BAZ1A: variants seen among roughly 807,000 people sequenced by gnomAD.
The protein encoded by BAZ1A is bromodomain adjacent to zinc finger domain protein 1A.
In BAZ1A, 50 loss-of-function variants were observed where a neutral mutation model predicts 185.2. The observed-to-expected ratio is 0.27, with a 90% CI of 0.22 to 0.34. The LOEUF (loss-of-function observed/expected upper bound fraction) is 0.34, where lower values mean the gene tolerates loss of function less well. Ranked by LOEUF, BAZ1A falls within the 10% of genes least tolerant of loss-of-function variation. The pLI is 1.00. For synonymous variants in BAZ1A, 571 were observed against 615.6 expected, an observed-to-expected ratio of 0.93 and a Z score of 1.07; for missense variants, 1,356 against 1,839.9, an observed-to-expected ratio of 0.74 and a Z score of 4.81.
intron 3 of BAZ1A, among the ~76,000 whole-genome samples, chr14:34,847,038 G>A (rs2042524561): frequency 6.6e-6 from 1 of 152,068 alleles, no homozygotes; most frequent in South Asian, 2.1e-4. Flanking sequence ...ATCACCTGAG[G>A]TCAGGAGTTC....
At chr14:34,795,278 C>T (rs1881124133) in intron 10 of BAZ1A, among the ~76,000 whole-genome samples, 1 of 152,196 alleles carries the variant, frequency 6.6e-6, no homozygotes, top group Non-Finnish European at 1.5e-5. Context: ...AATTAATCTA[C>T]CATCTACTAA....
chr14:34,824,730 TATC>T (rs1234286741), intron 4 of BAZ1A, among the ~76,000 whole-genome samples: 2 of 152,152 alleles, frequency 1.3e-5, no homozygotes, highest in Non-Finnish European at 2.9e-5. Flanking sequence ...AGACAGAACT[TATC>T]AACACTGGTA....
intron 4 of BAZ1A, among the ~76,000 whole-genome samples, chr14:34,821,393 A>G (rs1173739421): frequency 6.6e-6 from 1 of 152,232 alleles, no homozygotes; most frequent in Non-Finnish European, 1.5e-5. Flanking sequence ...ATAAATGAAT[A>G]AATACTTGTT....
At chr14:34,784,547 T>A (rs1380551606) in intron 14 of BAZ1A, among the ~76,000 whole-genome samples, 1 of 152,090 alleles carries the variant, frequency 6.6e-6, no homozygotes, top group East Asian at 2.0e-4. Context: ...AGACGGAGTC[T>A]CGCTCTGACG....
chr14:34,795,502 A>T (rs1312824243), intron 10 of BAZ1A, among the ~76,000 whole-genome samples, 168 bp downstream of exon 10: 2 of 152,198 alleles, frequency 1.3e-5, no homozygotes, highest in African/African-American at 4.8e-5. Flanking sequence ...TAAAACACTA[A>T]CAATGCTACC....
In BAZ1A at chr14:34,758,824, A is replaced by G. The variant is rs777295582; in HGVS notation, c.4266T>C (p.Gly1422=). The G allele has an allele frequency of 6.2e-7, 1 of 1,614,094 alleles. No individual in the cohort carries two copies. Among genetic ancestry groups the G allele is most frequent in the South Asian group, 1.1e-5 (1 of 91,046 alleles). The change falls in exon 25 of 27, where the codon GGT becomes GGC. Residue 1422 remains glycine, a synonymous_variant. Coordinates refer to ENST00000360310, the MANE Select transcript of BAZ1A (RefSeq NM_013448.3). ...CTCCCTGTCGGCCAGAACTCCTTCG[A>G]CCCAGTGTCACAGGCGATGGCTCTG... ...QSPEPSPVTL[G]RRSSGRQGGV... is the part of the protein sequence containing the mutation.
intron 20 of BAZ1A, among the ~76,000 whole-genome samples, chr14:34,772,233 T>C (rs1879274689): frequency 6.6e-6 from 1 of 152,032 alleles, no homozygotes; most frequent in Admixed American, 6.6e-5. Flanking sequence ...GGATTACAGG[T>C]GTCAGCCACT....
At chr14:34,793,797 G>A (rs745623528) in intron 11 of BAZ1A, among the ~76,000 whole-genome samples, 3 of 152,158 alleles carry the variant, frequency 2.0e-5, no homozygotes, top group Non-Finnish European at 4.4e-5. Flanking sequence ...ACAAAAATTA[G>A]CTGGGCTTGG....
intron 21 of BAZ1A, among the ~76,000 whole-genome samples, chr14:34,769,607 G>T (rs903235923): frequency 2.6e-5 from 4 of 152,012 alleles, no homozygotes; most frequent in Non-Finnish European, 5.9e-5. Flanking sequence ...CAATTAATTT[G>T]ATTTTCCCCC....
In BAZ1A at chr14:34,847,475, A is replaced by G. The variant is rs143800406; in HGVS notation, c.392+14569T>C. 1.8e-4 allele frequency among the ~76,000 whole-genome samples: 28 copies of G among 152,262 alleles called. No individual in the cohort carries two copies. The East Asian group carries it at 3.1e-3, about 17-fold the overall frequency. ...TAATGTGTTGCTAAAAATCTATACTATCTTTGAGCCGAAATAAGAAGTCCC... is the reference window on the plus strand; with the variant it reads ...TAATGTGTTGCTAAAAATCTATACTGTCTTTGAGCCGAAATAAGAAGTCCC... On this transcript the variant is annotated intron_variant, in intron 3 of 26. Transcript: ENST00000360310.
intron 3 of BAZ1A, among the ~76,000 whole-genome samples, chr14:34,833,663 G>A (rs937093824): frequency 6.6e-6 from 1 of 152,050 alleles, no homozygotes; most frequent in Non-Finnish European, 1.5e-5. Flanking sequence ...AAAGAACATA[G>A]AATAAAGGTT....
chr14:34,753,771 T>C (rs1434676054), intron 26 of BAZ1A, 67 bp from the exon 27 acceptor site: 2 of 1,268,660 alleles, frequency 1.6e-6, no homozygotes, highest in Non-Finnish European at 2.1e-6. Context: ...ATAATTCTTG[T>C]ATCATATCTG....
intron 12 of BAZ1A, among the ~76,000 whole-genome samples, chr14:34,790,341 GATTTATTTATTTGTTT>G (rs1880763293): frequency 6.6e-6 from 1 of 151,586 alleles, no homozygotes; most frequent in Non-Finnish European, 1.5e-5. Context: ...GGCTAATTTT[GATTTATTTATTTGTTT>G]ATTTATTTAT....
chr14:34,760,450 G>A (rs1886473314), intron 24 of BAZ1A, among the ~76,000 whole-genome samples: 1 of 149,414 alleles, frequency 6.7e-6, no homozygotes, highest in Non-Finnish European at 1.5e-5. Context: ...TCCGAATAAT[G>A]CAATATAATG....
At chr14:34,757,365 C>CAA (rs760606242) in intron 25 of BAZ1A, among the ~76,000 whole-genome samples, 3 of 108,820 alleles carry the variant, frequency 2.8e-5, no homozygotes, top group Admixed American at 9.7e-5. Context: ...GACTCCATCT[C>CAA]AAAAAAAAAA....
rs569370634 is a variant in BAZ1A at position 34,758,602 on chromosome 14, A to G, written c.4386+102T>C. On this transcript the variant is annotated intron_variant, in intron 25 of 26. Transcript: ENST00000360310. Reference sequence around the variant, plus strand: ...CAGGAAAAAACAACAACAACAAAAAAAACTAGACAGTGAGTAACAGGTGTT... The same window carrying G: ...CAGGAAAAAACAACAACAACAAAAAGAACTAGACAGTGAGTAACAGGTGTT... The G allele has an allele frequency of 1.4e-5, 17 of 1,230,096 alleles. No homozygotes were observed. In the African/African-American group the frequency reaches 2.3e-4, roughly 17 times the overall value. The allele number at this position is 1,230,096 out of a possible 1,614,324, so 76.2% of individuals were successfully genotyped here.
intron 4 of BAZ1A, among the ~76,000 whole-genome samples, chr14:34,824,689 C>T (rs1355404956): frequency 6.6e-6 from 1 of 152,024 alleles, no homozygotes; most frequent in African/African-American, 2.4e-5. Context: ...AATGTCAGGC[C>T]AAATGAGAAC....
intron 2 of BAZ1A, among the ~76,000 whole-genome samples, chr14:34,871,540 T>A (rs2042948356): frequency 6.6e-6 from 1 of 152,218 alleles, no homozygotes; most frequent in Non-Finnish European, 1.5e-5. Flanking sequence ...TCCTGGCCAG[T>A]CACTGTCTCA....
chr14:34,795,259 T>G (rs771537341), intron 10 of BAZ1A, among the ~76,000 whole-genome samples: 4 of 152,224 alleles, frequency 2.6e-5, no homozygotes, highest in Non-Finnish European at 5.9e-5. Flanking sequence ...TCCTTATGAT[T>G]TGGAACATAA....
Sources: gnomAD v4.1 joint callset for allele counts (sites outside exome capture counted in the v4.1 genomes callset) on GRCh38, gnomAD v4.1.1 for gene constraint, MANE v1.5 for transcripts, NCBI Gene and HGNC (gene_info 2026-07-23, HGNC 2026-07-21) for gene names.